Variants in SPATS2 observed in about 807,000 individuals in gnomAD.
The protein encoded by SPATS2 is spermatogenesis associated serine rich 2, also known as spermatogenesis-associated serine-rich protein 2.
Under a neutral mutation model 63.7 loss-of-function variants are expected in SPATS2, and 38 were observed. That is an observed-to-expected ratio of 0.60 (90% CI 0.46 to 0.78). SPATS2 has a LOEUF of 0.78. SPATS2 is among the 30% of genes least tolerant of loss of function. SPATS2 has a pLI of 0.00. For synonymous variants in SPATS2, 207 were observed against 232.9 expected (o/e 0.89, Z 1.01); for missense variants, 588 against 666.2 (o/e 0.88, Z 1.29).
intron 3 of SPATS2, among the ~76,000 whole-genome samples, chr12:49,466,205 C>G (rs1423991305): frequency 6.6e-6 from 1 of 151,668 alleles, no homozygotes; most frequent in Non-Finnish European, 1.5e-5. Flanking sequence ...TCTCTGTCAC[C>G]CAGGCTGGAG....
At chr12:49,438,675 TAA>T (rs2137538008) in intron 2 of SPATS2, among the ~76,000 whole-genome samples, 1 of 152,344 alleles carries the variant, frequency 6.6e-6, no homozygotes, top group Non-Finnish European at 1.5e-5. Context: ...GCAATAATGT[TAA>T]GTCTCTCCTC....
intron 2 of SPATS2, among the ~76,000 whole-genome samples, chr12:49,416,431 G>C (rs1168618927): frequency 6.6e-6 from 1 of 152,132 alleles, no homozygotes; most frequent in African/African-American, 2.4e-5. Flanking sequence ...CTTGGACTTT[G>C]AAGTTGCCTG....
intron 2 of SPATS2, among the ~76,000 whole-genome samples, chr12:49,402,566 C>T (rs1385477002): frequency 2.0e-5 from 3 of 151,988 alleles, no homozygotes; most frequent in African/African-American, 7.2e-5. Flanking sequence ...ACGAGATTGT[C>T]GTATGAGAGG....
intron 2 of SPATS2, among the ~76,000 whole-genome samples, chr12:49,429,001 G>A (rs951716946): frequency 1.3e-5 from 2 of 152,164 alleles, no homozygotes; most frequent in Non-Finnish European, 2.9e-5. Flanking sequence ...CGAGGAGGAG[G>A]GCGCAGACAG....
chr12:49,412,644 G>A (rs1944817280), intron 2 of SPATS2, among the ~76,000 whole-genome samples: 2 of 151,934 alleles, frequency 1.3e-5, no homozygotes, highest in South Asian at 4.2e-4. Flanking sequence ...ACTTTGGGAG[G>A]CTGAGGTAGG....
chr12:49,412,734 G>T (rs1944819151), intron 2 of SPATS2, among the ~76,000 whole-genome samples: 1 of 142,476 alleles, frequency 7.0e-6, no homozygotes, highest in South Asian at 2.7e-4. Flanking sequence ...CTGGGCAACA[G>T]AGTGAGACGC....
chr12:49,516,119 A>G (rs1448473088), intron 10 of SPATS2, among the ~76,000 whole-genome samples: 3 of 124,314 alleles, frequency 2.4e-5, no homozygotes, highest in Non-Finnish European at 5.0e-5. Flanking sequence ...CAGCCTGGCA[A>G]CAGAGCAAGA....
At chr12:49,496,689 C>G in intron 7 of SPATS2, 144 bp from the exon 8 acceptor site, 3 of 803,072 alleles carry the variant, frequency 3.7e-6, no homozygotes, top group Non-Finnish European at 3.9e-6. Context: ...GATCTTTGTT[C>G]TATTGTTTCA....
At chr12:49,483,449 C>A in intron 3 of SPATS2, among the ~76,000 whole-genome samples, 1 of 151,916 alleles carries the variant, frequency 6.6e-6, no homozygotes, top group Non-Finnish European at 1.5e-5. Flanking sequence ...TGGGAGTTAA[C>A]CATATTATAT....
At position 49,525,021 on chromosome 12, in the gene SPATS2, C is replaced by T. The variant is rs1947009450; in HGVS notation, c.1326+125C>T. On this transcript the variant is annotated intron_variant, in intron 13 of 13. Transcript: ENST00000552918. ...CATTCCATGCCTGTTTTGAATCCCT[C>T]CAACCCAAGTTAGTTCCTGAGAAAG... 4.2e-6 allele frequency: 4 copies of T among 953,568 alleles called. No individual in the cohort carries two copies. In the Admixed American group the frequency reaches 7.8e-5, roughly 19 times the overall value. 59.1% of individuals were successfully genotyped at this position (953,568 alleles called of 1,614,324 possible).
intron 2 of SPATS2, among the ~76,000 whole-genome samples, chr12:49,386,283 G>C (rs1055561545): frequency 6.6e-6 from 1 of 151,966 alleles, no homozygotes; most frequent in African/African-American, 2.4e-5. Context: ...TCCTGCCTCA[G>C]CCTCCCAGTA....
chr12:49,388,435 G>GCAAT (rs752052159), intron 2 of SPATS2, among the ~76,000 whole-genome samples: 2 of 147,668 alleles, frequency 1.4e-5, no homozygotes, highest in Non-Finnish European at 3.0e-5. Context: ...GTGCAGTGGT[G>GCAAT]CAATCATGGC....
At chr12:49,523,596 G>A (rs1946979133) in intron 12 of SPATS2, among the ~76,000 whole-genome samples, 1 of 152,090 alleles carries the variant, frequency 6.6e-6, no homozygotes, top group Non-Finnish European at 1.5e-5. Flanking sequence ...TGAGATGAGA[G>A]TTTCTAGTGA....
chr12:49,424,364 C>T (rs1348527120), intron 2 of SPATS2, among the ~76,000 whole-genome samples: 1 of 152,156 alleles, frequency 6.6e-6, no homozygotes. Flanking sequence ...CATAGGGAAC[C>T]ATGGTGCCCT....
At chr12:49,454,641 G>A (rs528060281) in intron 2 of SPATS2, among the ~76,000 whole-genome samples, 1 of 152,268 alleles carries the variant, frequency 6.6e-6, no homozygotes, top group South Asian at 2.1e-4. Flanking sequence ...CCAGCACTTT[G>A]GGAGGCTGAG....
At chr12:49,367,959 G>C (rs1943931639) in intron 1 of SPATS2, among the ~76,000 whole-genome samples, 1 of 152,328 alleles carries the variant, frequency 6.6e-6, no homozygotes, top group East Asian at 1.9e-4. Context: ...GAATGCAGTA[G>C]GGATGCGTAA....
At chr12:49,448,758 T>C (rs2137596347) in intron 2 of SPATS2, among the ~76,000 whole-genome samples, 1 of 151,970 alleles carries the variant, frequency 6.6e-6, no homozygotes, top group African/African-American at 2.4e-5. Flanking sequence ...TTTTGAAATG[T>C]TTAGCGATTT....
At chr12:49,446,934 T>C (rs1285680802) in intron 2 of SPATS2, among the ~76,000 whole-genome samples, 1 of 147,972 alleles carries the variant, frequency 6.8e-6, no homozygotes, top group East Asian at 1.9e-4. Context: ...TTTCTTTTCT[T>C]TTTTTTTTTT....
intron 3 of SPATS2, chr12:49,463,588 C>T (rs1945859536): frequency 6.6e-6 from 1 of 152,042 alleles, no homozygotes; most frequent in Non-Finnish European, 1.5e-5. Flanking sequence ...ATATTTGGTC[C>T]CATGACATAT....
Sources: allele counts gnomAD v4.1 joint callset (sites outside exome capture counted in the v4.1 genomes callset), GRCh38; gene constraint gnomAD v4.1.1; transcripts MANE v1.5; gene names NCBI Gene and HGNC (gene_info 2026-07-23, HGNC 2026-07-21).